KHDRBS2: variants seen among roughly 807,000 people sequenced by gnomAD.
KHDRBS2 encodes the protein KH domain-containing, RNA-binding, signal transduction-associated protein 2.
In KHDRBS2, 26 loss-of-function variants were observed where a neutral mutation model predicts 44.3. The ratio of observed to expected loss-of-function variants is 0.59; its 90% CI spans 0.43 to 0.81. KHDRBS2 has a LOEUF of 0.81. Among genes scored for constraint, KHDRBS2 ranks in the 40% least tolerant of loss-of-function variants. The pLI is 0.00. For missense variants in KHDRBS2, 476 were observed against 433.1 expected (o/e 1.10, Z -0.88); for synonymous variants, 194 against 151.1 (o/e 1.28, Z -2.08).
At chr6:61,852,115 G>A (rs956118513) in intron 6 of KHDRBS2, among the ~76,000 whole-genome samples, 3 of 151,578 alleles carry the variant, frequency 2.0e-5, no homozygotes, top group African/African-American at 7.3e-5. Context: ...CCAGCTACTC[G>A]GGAGGCTGAG....
intron 3 of KHDRBS2, among the ~76,000 whole-genome samples, chr6:62,020,249 A>G (rs1782009569): frequency 6.6e-6 from 1 of 152,060 alleles, no homozygotes; most frequent in South Asian, 2.1e-4. Flanking sequence ...CAGAGGTATT[A>G]TTTTCCAGAG....
the KHDRBS2 span, among the ~76,000 whole-genome samples, chr6:61,659,952 A>G: frequency 6.6e-6 from 1 of 151,982 alleles, no homozygotes; most frequent in South Asian, 2.1e-4. Flanking sequence ...AGAATTCATT[A>G]TACATGAAAG....
chr6:61,717,493 G>T (rs759811354), intron 7 of KHDRBS2, among the ~76,000 whole-genome samples: 5 of 152,058 alleles, frequency 3.3e-5, no homozygotes, highest in African/African-American at 1.2e-4. Flanking sequence ...ATAACTGTGG[G>T]AAAGTAATTA....
At chr6:61,569,368 T>C in the KHDRBS2 span, among the ~76,000 whole-genome samples, 1 of 152,130 alleles carries the variant, frequency 6.6e-6, no homozygotes. Flanking sequence ...GCCCATCACC[T>C]GAGAAGCTAA....
intron 3 of KHDRBS2, among the ~76,000 whole-genome samples, chr6:62,004,126 TA>T (rs1395917561): frequency 3.9e-5 from 6 of 151,994 alleles, no homozygotes; most frequent in Non-Finnish European, 8.8e-5. Context: ...ATTCAAAAGC[TA>T]GCAGAAGGCA....
chr6:61,954,969 C>A (rs1231359510), intron 4 of KHDRBS2, among the ~76,000 whole-genome samples: 1 of 130,664 alleles, frequency 7.7e-6, no homozygotes, highest in African/African-American at 2.9e-5. Flanking sequence ...TATATATACG[C>A]ATACATATGT....
At chr6:61,591,279 C>A in the KHDRBS2 span, among the ~76,000 whole-genome samples, 1 of 152,016 alleles carries the variant, frequency 6.6e-6, no homozygotes, top group East Asian at 1.9e-4. Flanking sequence ...ACTTTCCCTT[C>A]TAAAAGCCAA....
chr6:62,097,240 G>A (rs567754904), intron 2 of KHDRBS2, among the ~76,000 whole-genome samples: 1 of 151,894 alleles, frequency 6.6e-6, no homozygotes, highest in East Asian at 1.9e-4. Context: ...GGTCTGTTAG[G>A]TTCACTTGGT....
At chr6:62,048,134 A>G (rs1194079524) in intron 2 of KHDRBS2, 140 bp from the exon 3 acceptor site, 5 of 590,882 alleles carry the variant, frequency 8.5e-6, no homozygotes, top group Non-Finnish European at 1.5e-5. Flanking sequence ...ACACACACAC[A>G]CACACACACA....
chr6:62,168,942 TA>T (rs1202057462), intron 2 of KHDRBS2, among the ~76,000 whole-genome samples: 1 of 149,284 alleles, frequency 6.7e-6, no homozygotes, highest in Non-Finnish European at 1.5e-5. Context: ...GTGGAGATGT[TA>T]AAATTTGAAA....
At chr6:61,747,108 T>C (rs1466220924) in intron 6 of KHDRBS2, among the ~76,000 whole-genome samples, 3 of 151,920 alleles carry the variant, frequency 2.0e-5, no homozygotes, top group Admixed American at 1.3e-4. Context: ...AAGACATTTA[T>C]GTGGCCAACA....
the KHDRBS2 span, among the ~76,000 whole-genome samples, chr6:61,577,260 G>A: frequency 5.5e-4 from 83 of 151,730 alleles, no homozygotes; most frequent in African/African-American, 1.8e-3. Context: ...CTTTACAAAT[G>A]CTGCAGGTTG....
At chr6:62,269,340 T>C (rs1281306107) in intron 1 of KHDRBS2, among the ~76,000 whole-genome samples, 4 of 152,024 alleles carry the variant, frequency 2.6e-5, no homozygotes, top group Admixed American at 2.6e-4. Flanking sequence ...AACATATTTG[T>C]AACAAACGAT....
intron 2 of KHDRBS2, among the ~76,000 whole-genome samples, chr6:62,101,258 T>C (rs569369375): frequency 1.3e-5 from 2 of 152,106 alleles, no homozygotes; most frequent in Admixed American, 6.5e-5. Context: ...ATGGTCAATC[T>C]CAGGTTATAT....
At chr6:61,863,627 T>C (rs1172102088) in intron 6 of KHDRBS2, among the ~76,000 whole-genome samples, 1 of 152,228 alleles carries the variant, frequency 6.6e-6, no homozygotes, top group Non-Finnish European at 1.5e-5. Flanking sequence ...TATAATTTGA[T>C]TGTACTGTGA....
chr6:62,104,446 T>C (rs1193220971), intron 2 of KHDRBS2, among the ~76,000 whole-genome samples: 1 of 152,218 alleles, frequency 6.6e-6, no homozygotes, highest in African/African-American at 2.4e-5. Context: ...CATGCATCGT[T>C]ATGTTCTATT....
intron 1 of KHDRBS2, among the ~76,000 whole-genome samples, chr6:62,230,492 A>T (rs1832722528): frequency 6.6e-6 from 1 of 152,202 alleles, no homozygotes; most frequent in Admixed American, 6.5e-5. Flanking sequence ...TTTTGAACAG[A>T]CTATAGCAAT....
intron 6 of KHDRBS2, among the ~76,000 whole-genome samples, chr6:61,887,930 C>T (rs1488441797): frequency 2.0e-5 from 3 of 152,146 alleles, no homozygotes; most frequent in African/African-American, 7.2e-5. Flanking sequence ...AGCAGCCTAT[C>T]AGTCACGTAT....
intron 4 of KHDRBS2, among the ~76,000 whole-genome samples, chr6:61,919,659 C>T (rs1219070414): frequency 6.6e-6 from 1 of 151,440 alleles, no homozygotes; most frequent in African/African-American, 2.4e-5. Context: ...TGTTTAATTT[C>T]TTCATTTTAA....
Sources: gnomAD v4.1 joint callset for allele counts (sites outside exome capture counted in the v4.1 genomes callset) on GRCh38, gnomAD v4.1.1 for gene constraint, MANE v1.5 for transcripts, NCBI Gene and HGNC (gene_info 2026-07-23, HGNC 2026-07-21) for gene names.